The following CRYBG3 variants were observed in gnomAD, a reference collection of about 807,000 sequenced individuals.
The protein encoded by CRYBG3 is very large A-kinase anchor protein.
Under a neutral mutation model 244.2 loss-of-function variants are expected in CRYBG3, and 127 were observed. The ratio of observed to expected loss-of-function variants is 0.52; its 90% CI spans 0.45 to 0.60. The LOEUF is 0.60. CRYBG3 is among the 20% of genes least tolerant of loss of function. CRYBG3 has a pLI of 0.00. For synonymous variants in CRYBG3, 1,132 were observed against 1,195.8 expected, an observed-to-expected ratio of 0.95 and a Z score of 1.10; for missense variants, 3,325 against 3,442.5, an observed-to-expected ratio of 0.97 and a Z score of 0.85.
chr3:97,843,452 G>A (rs935885419), intron 2 of CRYBG3, among the ~76,000 whole-genome samples, 191 bp downstream of exon 2: 2 of 152,166 alleles, frequency 1.3e-5, no homozygotes, highest in Non-Finnish European at 2.9e-5. Context: ...GGTGGGGAAA[G>A]GCTCTGAGAA....
chr3:97,937,001 T>C, intron 19 of CRYBG3, 93 bp downstream of exon 19: 3 of 1,417,792 alleles, frequency 2.1e-6, no homozygotes, highest in Non-Finnish European at 2.9e-6. Flanking sequence ...TCATTTAATT[T>C]AGTTTGCCAT....
intron 3 of CRYBG3, among the ~76,000 whole-genome samples, chr3:97,868,626 T>C (rs555497434): frequency 6.6e-6 from 1 of 152,324 alleles, no homozygotes; most frequent in African/African-American, 2.4e-5. Flanking sequence ...AACCAACTTC[T>C]TGAAAGTACT....
At chr3:97,933,127 A>G in intron 17 of CRYBG3, 1 of 455,466 alleles carries the variant, frequency 2.2e-6, no homozygotes, top group South Asian at 1.6e-5. Flanking sequence ...TGAAAAAGCA[A>G]TACTGAGTCT....
Position 97,851,797 on chromosome 3 carries a change from G to A in CRYBG3, c.216+8536G>A, listed in dbSNP as rs372961961. ...TCCTGATGGCAATGCTCAGCCATTG[G>A]AGGGATTTAAGAATGATCATACTTG... On this transcript the variant is annotated intron_variant, in intron 2 of 21. Coordinates refer to ENST00000389622, the MANE Select transcript of CRYBG3 (RefSeq NM_153605.4). Among the ~76,000 whole-genome samples, 175 of 152,260 alleles carry A rather than the reference G, an allele frequency of 1.1e-3. 1 individual carries two copies. Among genetic ancestry groups the A allele is most frequent in the Middle Eastern group, 0.01 (3 of 292 alleles).
intron 1 of CRYBG3, 50 bp downstream of exon 1, chr3:97,822,405 A>T (rs1463413038): frequency 2.1e-6 from 3 of 1,410,584 alleles, no homozygotes; most frequent in East Asian, 2.8e-5. Flanking sequence ...TATTCGCGGG[A>T]TGAAGGCTCC....
intron 6 of CRYBG3, among the ~76,000 whole-genome samples, chr3:97,880,359 A>G (rs1012702962): frequency 1.3e-5 from 2 of 152,236 alleles, no homozygotes; most frequent in African/African-American, 4.8e-5. Context: ...ACCATTCTGT[A>G]ACTACATTAT....
chr3:97,834,045 A>G (rs1315785273), intron 1 of CRYBG3, among the ~76,000 whole-genome samples: 1 of 152,082 alleles, frequency 6.6e-6, no homozygotes, highest in Non-Finnish European at 1.5e-5. Context: ...GGAGGGCATT[A>G]ATCTATTCCT....
At chr3:97,832,455 A>G (rs954202277) in intron 1 of CRYBG3, among the ~76,000 whole-genome samples, 1 of 152,154 alleles carries the variant, frequency 6.6e-6, no homozygotes, top group Non-Finnish European at 1.5e-5. Flanking sequence ...CCTGACAAAA[A>G]CAAGCAATGG....
rs1300201416 is a variant in CRYBG3 at position 97,881,213 on chromosome 3, CT to C, written c.7148del (p.Leu2383Ter). The C allele has an allele frequency of 6.3e-7, 1 of 1,595,530 alleles. No individual in the cohort carries two copies. The highest frequency in any genetic ancestry group is 1.4e-5 in the African/African-American group (1 of 73,922). On this transcript the variant is annotated frameshift_variant, in exon 7 of 22. Coordinates refer to ENST00000389622, the MANE Select transcript of CRYBG3 (RefSeq NM_153605.4). LOFTEE classifies it high-confidence loss of function. Reference protein sequence around the residue: ...NFILGSLKRVLKDCSIPEIEL... With the variant: ...NFILGSLKRVXKDCSIPEIEL... ...TTATATTGGGTTCTCTCAAACGTGT[CT>C]TAAAGGTAACAACTGTAGATTTTTC...
At position 97,873,040 on chromosome 3, in the gene CRYBG3, A is replaced by C; in HGVS notation, c.1846A>C (p.Asn616His). 1 of 1,535,044 alleles carries C rather than the reference A, an allele frequency of 6.5e-7. No homozygotes were observed. The highest frequency in any genetic ancestry group is 8.7e-7 in the Non-Finnish European group (1 of 1,146,522). ...ENAPELKFEL[N>H]RSHISETPLD... ...TGCACCTGAGTTGAAATTTGAACTT[A>C]ATAGAAGTCACATTTCAGAAACTCC... Residue 616 changes from asparagine to histidine, a missense_variant, in exon 4 of 22, where the codon AAT becomes CAT. Asn to His is a moderately conservative substitution (Grantham distance 68). This residue lies in a region of CRYBG3 where 1,526 missense variants were observed against 1,443.2 expected (regional missense o/e 1.06). Transcript: ENST00000389622.
Position 97,943,312 on chromosome 3 carries a change from TGA to T in CRYBG3, c.*3_*4del. On this transcript the variant is annotated frameshift_variant and stop_lost, in exon 22 of 22. Coordinates refer to ENST00000389622, the MANE Select transcript of CRYBG3 (RefSeq NM_153605.4). LOFTEE classifies it high-confidence loss of function. Reference sequence around the variant, plus strand: ...ACAGAAATGGGACATTGAAATATTGTGAGAGAATCAACATCCCTAGAAAGATC... The same window carrying T: ...ACAGAAATGGGACATTGAAATATTGTGAGAATCAACATCCCTAGAAAGATC... ...ETQKWDIEIL[*>X] The T allele has an allele frequency of 1.3e-6, 2 of 1,539,176 alleles. No individual in the cohort carries two copies. Among genetic ancestry groups the T allele is most frequent in the African/African-American group, 1.4e-5 (1 of 73,208 alleles).
rs759983402 is a variant in CRYBG3, at chr3:97,877,883, A to T, written c.6689A>T (p.His2230Leu). The T allele has an allele frequency of 6.2e-7, 1 of 1,614,094 alleles. No individual in the cohort carries two copies. Residue 2230 changes from histidine to leucine, a missense_variant, in exon 4 of 22, where the codon CAT (histidine) becomes CTT (leucine). This residue lies in a region of CRYBG3 where 450 missense variants were observed against 424.1 expected (regional missense o/e 1.06). Coordinates refer to ENST00000389622, the MANE Select transcript of CRYBG3 (RefSeq NM_153605.4). The stretch of plus-strand genomic sequence containing the variant: ...AAATCTGACCTTACTTCTAAACTAC[A>T]TTCTTCTTTAAAGAGTGCTTATCAT... ...LQKSDLTSKL[H>L]SSLKSAYHQY... is the part of the protein sequence containing the mutation.
At position 97,864,406 on chromosome 3, in the gene CRYBG3, T is replaced by C. The variant is rs1027831722; in HGVS notation, c.406T>C (p.Ser136Pro). Residue 136 changes from serine to proline, a missense_variant, in exon 3 of 22, where the codon TCT becomes CCT. By Grantham distance (74) the Ser-to-Pro change is moderately conservative. Around this residue, in one of 4 missense-constraint regions of CRYBG3, gnomAD observed 1,526 missense variants for 1,443.2 expected, o/e 1.06. Coordinates refer to ENST00000389622, the MANE Select transcript of CRYBG3 (RefSeq NM_153605.4). ...CTTATTCAATATCTCGGGGAAATCA[T>C]CTCTAGGTGAAGCTAAGCAGTCTTC... is the stretch of plus-strand genomic sequence containing the variant. ...GNLFNISGKS[S>P]LGEAKQSSFK... 9.1e-6 allele frequency: 14 copies of C among 1,535,726 alleles called. No individual in the cohort carries two copies. Among genetic ancestry groups the C allele is most frequent in the Admixed American group, 2.0e-5 (1 of 50,948 alleles).
Position 97,873,569 on chromosome 3 carries a change from C to A in CRYBG3, c.2375C>A (p.Ala792Glu), listed in dbSNP as rs1214358708. 1.2e-5 allele frequency: 18 copies of A among 1,535,674 alleles called. No homozygotes were observed. Among genetic ancestry groups the A allele is most frequent in the Non-Finnish European group, 1.5e-5 (17 of 1,146,774 alleles). Reference protein sequence around the residue: ...RVELVSSNTKANMSIIEKSDS... With the variant: ...RVELVSSNTKENMSIIEKSDS... ...GAGTTAGTGTCTTCAAACACTAAAG[C>A]AAATATGAGCATAATAGAGAAGTCT... is the stretch of plus-strand genomic sequence containing the variant. Residue 792 changes from alanine (A) to glutamate (E), a missense_variant, in exon 4 of 22, where the codon GCA becomes GAA. Around this residue, in one of 4 missense-constraint regions of CRYBG3, gnomAD observed 1,526 missense variants for 1,443.2 expected, o/e 1.06. Transcript: ENST00000389622.
intron 17 of CRYBG3, among the ~76,000 whole-genome samples, chr3:97,927,381 CTG>C (rs2040051483): frequency 6.6e-6 from 1 of 151,984 alleles, no homozygotes; most frequent in Non-Finnish European, 1.5e-5. Context: ...AATATTGAAA[CTG>C]AACCCCTTGC....
chr3:97,832,059 A>G (rs1576507448), intron 1 of CRYBG3, among the ~76,000 whole-genome samples: 1 of 152,204 alleles, frequency 6.6e-6, no homozygotes, highest in East Asian at 1.9e-4. Context: ...TAACCTCTCA[A>G]TGATGGCTAT....
At position 97,872,977 on chromosome 3, in the gene CRYBG3, A is replaced by C; in HGVS notation, c.1783A>C (p.Ser595Arg). ...AGACCTGGCCTCTTTAAATTACATC[A>C]GTGAATCAGCAGTTGTAGCAAGCTT... is the stretch of plus-strand genomic sequence containing the variant. ...KKDLASLNYI[S>R]ESAVVASLGN... Residue 595 changes from serine (S) to arginine (R), a missense_variant, in exon 4 of 22, where the codon AGT becomes CGT. Ser to Arg is a moderately radical substitution (Grantham distance 110, BLOSUM62 -1). Around this residue, in one of 4 missense-constraint regions of CRYBG3, gnomAD observed 1,526 missense variants for 1,443.2 expected, o/e 1.06. Transcript: ENST00000389622. 6.5e-7 allele frequency: 1 copy of C among 1,535,660 alleles called. No individual in the cohort carries two copies. Among genetic ancestry groups the C allele is most frequent in the Non-Finnish European group, 8.7e-7 (1 of 1,146,756 alleles).
intron 3 of CRYBG3, among the ~76,000 whole-genome samples, chr3:97,868,296 A>AAAAAAG (rs1180849283): frequency 6.6e-6 from 1 of 151,900 alleles, no homozygotes; most frequent in East Asian, 1.9e-4. Flanking sequence ...AAAAAAAAAA[A>AAAAAAG]AAAATATTAT....
rs146932014 is a variant in CRYBG3 at position 97,838,231 on chromosome 3, A to C, written c.150-4964A>C. Among the ~76,000 whole-genome samples, 640 of 152,236 alleles carry C rather than the reference A, an allele frequency of 4.2e-3. 7 individuals carry two copies. The highest frequency in any genetic ancestry group is 0.015 in the African/African-American group (618 of 41,556). On this transcript the variant is annotated intron_variant, in intron 1 of 21. Coordinates refer to ENST00000389622, the MANE Select transcript of CRYBG3 (RefSeq NM_153605.4). The stretch of plus-strand genomic sequence containing the variant: ...GGATCGAGAAGCTTTGCTGAACGGC[A>C]GTGTTGGAAAATGGGTAGTGTTTTC...
Sources: allele counts gnomAD v4.1 joint callset (sites outside exome capture counted in the v4.1 genomes callset), GRCh38; gene constraint gnomAD v4.1.1; regional missense constraint gnomAD v4.1.1; transcripts MANE v1.5; gene names NCBI Gene and HGNC (gene_info 2026-07-23, HGNC 2026-07-21).